Variants in CTDSP2 observed in about 807,000 individuals in gnomAD.
The protein encoded by CTDSP2 is CTD small phosphatase 2.
CTDSP2 carries 9 observed loss-of-function variants against 31.6 expected under a neutral mutation model. The ratio of observed to expected loss-of-function variants is 0.28; its 90% CI spans 0.17 to 0.50. The LOEUF is 0.50. CTDSP2 is among the 20% of genes least tolerant of loss of function. The pLI, the probability that CTDSP2 is intolerant of heterozygous loss-of-function variation, is 0.98. For missense variants in CTDSP2, 267 were observed against 348.5 expected (o/e 0.77, Z 1.86); for synonymous variants, 134 against 134.5 (o/e 1.00, Z 0.03).
At chr12:57,834,535 C>T (rs1290514290) in intron 1 of CTDSP2, among the ~76,000 whole-genome samples, 1 of 152,186 alleles carries the variant, frequency 6.6e-6, no homozygotes, top group African/African-American at 2.4e-5. Context: ...GACAATGGGG[C>T]AGAGGAGGAA....
At chr12:57,824,596 G>A (rs781766512) in intron 5 of CTDSP2, 1 of 625,068 alleles carries the variant, frequency 1.6e-6, no homozygotes, top group South Asian at 1.4e-5. Flanking sequence ...TCTGTTTCCG[G>A]CGGCGGACCA....
chr12:57,844,738 G>T (rs1474110050), intron 1 of CTDSP2, among the ~76,000 whole-genome samples: 2 of 151,996 alleles, frequency 1.3e-5, no homozygotes, highest in Admixed American at 6.6e-5. Flanking sequence ...TCACAGCCTG[G>T]TTAGTGATGC....
At chr12:57,846,258 G>T in intron 1 of CTDSP2, 114 bp downstream of exon 1, 1 of 952,718 alleles carries the variant, frequency 1.0e-6, no homozygotes, top group Non-Finnish European at 1.6e-6. Context: ...GGGTCCAGTC[G>T]GGATCGCTGG....
At chr12:57,824,526 G>A (rs1956170649) in intron 5 of CTDSP2, 1 of 666,776 alleles carries the variant, frequency 1.5e-6, no homozygotes, top group Non-Finnish European at 2.8e-6. Flanking sequence ...CAATGGATCA[G>A]TGGTCCCAAC....
At position 57,839,305 on chromosome 12, in the gene CTDSP2, AT is replaced by A. The variant is rs542159212; in HGVS notation, c.64+7066del. Among the ~76,000 whole-genome samples, 4 of 152,328 alleles carry A rather than the reference AT, an allele frequency of 2.6e-5. No homozygotes were observed. In the South Asian group the frequency reaches 8.3e-4, roughly 32 times the overall value. ...AGTTCCGTGGCCTTGCTAGGGCACA[AT>A]TCTCTGGGGTTCAGTTTCCTCATAA... On this transcript the variant is annotated intron_variant, in intron 1 of 7. Transcript: ENST00000398073.
Position 57,829,219 on chromosome 12 carries a change from A to T in CTDSP2, c.213+229T>A, listed in dbSNP as rs370268056. ...GTTCCTGGAACCTGGAAGGATCAGG[A>T]TCACAGGGGCCCTCAGAAACCACAG... On this transcript the variant is annotated intron_variant, in intron 2 of 7. Coordinates refer to ENST00000398073, the MANE Select transcript of CTDSP2 (RefSeq NM_005730.4). Among the ~76,000 whole-genome samples, 45 of 152,324 alleles carry T rather than the reference A, an allele frequency of 3.0e-4. 1 individual carries two copies. The highest frequency in any genetic ancestry group is 1.1e-3 in the African/African-American group (45 of 41,560).
At chr12:57,834,990 C>T (rs1956238536) in intron 1 of CTDSP2, among the ~76,000 whole-genome samples, 1 of 152,012 alleles carries the variant, frequency 6.6e-6, no homozygotes, top group Admixed American at 6.6e-5. Context: ...GGTATGGTGG[C>T]ACATGCCTAT....
intron 5 of CTDSP2, among the ~76,000 whole-genome samples, chr12:57,825,701 G>T (rs765766715): frequency 6.6e-5 from 10 of 152,212 alleles, no homozygotes; most frequent in Non-Finnish European, 1.2e-4. Flanking sequence ...CTGGAGCCTG[G>T]TCTGTTTAGA....
intron 5 of CTDSP2, among the ~76,000 whole-genome samples, chr12:57,825,298 CAACTT>C (rs1340687391): frequency 6.6e-6 from 1 of 152,210 alleles, no homozygotes; most frequent in Non-Finnish European, 1.5e-5. Context: ...TAGGCAGCCA[CAACTT>C]AACTTCTGTT....
Position 57,824,358 on chromosome 12 carries a change from T to G in CTDSP2, c.412-39A>C, listed in dbSNP as rs375423154. On this transcript the variant is annotated intron_variant, in intron 5 of 7. Transcript: ENST00000398073. ...GAGCAGCCTGTTGGAGGCATCCCTG[T>G]GATGAAGGTTTGCAGTACTGGGTAC... 8 of 1,490,018 alleles carry G rather than the reference T, an allele frequency of 5.4e-6. No individual in the cohort carries two copies. In the African/African-American group the frequency reaches 1.1e-4, roughly 21 times the overall value. The allele number at this position is 1,490,018 out of a possible 1,614,324, so 92.3% of individuals were successfully genotyped here. A position where few individuals can be genotyped will look rare whatever the true frequency, so the allele number is the denominator to read the frequency against.
intron 1 of CTDSP2, among the ~76,000 whole-genome samples, chr12:57,839,500 T>C (rs377477523): frequency 2.4e-3 from 366 of 152,212 alleles, no homozygotes; most frequent in Non-Finnish European, 4.3e-3. Context: ...GGGCGGATCA[T>C]GAGGTCAGGA....
intron 1 of CTDSP2, among the ~76,000 whole-genome samples, chr12:57,838,706 G>A (rs926323465): frequency 3.3e-5 from 5 of 152,220 alleles, no homozygotes; most frequent in African/African-American, 1.2e-4. Context: ...GTGACACAAG[G>A]CACCCAGACT....
intron 2 of CTDSP2, 146 bp downstream of exon 2, chr12:57,829,302 T>C: frequency 1.1e-6 from 1 of 895,996 alleles, no homozygotes; most frequent in Non-Finnish European, 1.8e-6. Flanking sequence ...ATACACTACT[T>C]ATGGAAGGAT....
At chr12:57,828,384 G>T (rs1327354831) in intron 2 of CTDSP2, among the ~76,000 whole-genome samples, 1 of 148,360 alleles carries the variant, frequency 6.7e-6, no homozygotes, top group East Asian at 2.0e-4. Flanking sequence ...GCACGCCATT[G>T]CACTCCAGCC....
At chr12:57,825,009 T>TTC (rs1385078258) in intron 5 of CTDSP2, among the ~76,000 whole-genome samples, 1 of 150,532 alleles carries the variant, frequency 6.6e-6, no homozygotes, top group Non-Finnish European at 1.5e-5. Context: ...AAGGTCCTTT[T>TTC]TCTTTTCTTT....
chr12:57,836,815 T>G (rs578258629), intron 1 of CTDSP2, among the ~76,000 whole-genome samples: 1 of 152,168 alleles, frequency 6.6e-6, no homozygotes, highest in Non-Finnish European at 1.5e-5. Flanking sequence ...TCCTCACACA[T>G]CTGCCTGCGA....
intron 2 of CTDSP2, among the ~76,000 whole-genome samples, chr12:57,828,552 T>C (rs1388581855): frequency 1.3e-5 from 2 of 152,246 alleles, no homozygotes; most frequent in Non-Finnish European, 2.9e-5. Flanking sequence ...TCCGCAGACT[T>C]TTTCCAGAAT....
chr12:57,832,098 C>T (rs1319597387), intron 1 of CTDSP2, among the ~76,000 whole-genome samples: 1 of 152,224 alleles, frequency 6.6e-6, no homozygotes, highest in Non-Finnish European at 1.5e-5. Context: ...CCTGCAGGTG[C>T]AGGCTCAGCC....
intron 6 of CTDSP2, 21 bp downstream of exon 6, chr12:57,824,206 T>A (rs1462028821): frequency 6.2e-7 from 1 of 1,612,782 alleles, no homozygotes; most frequent in Non-Finnish European, 8.5e-7. Flanking sequence ...CTCCTGGTTC[T>A]TCCCTCTCAC....
Sources: gnomAD v4.1 joint callset for allele counts (sites outside exome capture counted in the v4.1 genomes callset) on GRCh38, gnomAD v4.1.1 for gene constraint, MANE v1.5 for transcripts, NCBI Gene and HGNC (gene_info 2026-07-23, HGNC 2026-07-21) for gene names.